The following BCL7A variants were observed in gnomAD, a reference collection of about 807,000 sequenced individuals.
BCL7A encodes BAF chromatin remodeling complex subunit BCL7A.
In BCL7A, 11 loss-of-function variants were observed where a neutral mutation model predicts 28.4. The ratio of observed to expected loss-of-function variants is 0.39; its 90% CI spans 0.24 to 0.64. BCL7A has a LOEUF of 0.64. BCL7A is among the 30% of genes least tolerant of loss of function. The pLI is 0.50. For missense variants in BCL7A, 222 were observed against 274.8 expected, an observed-to-expected ratio of 0.81 and a Z score of 1.36; for synonymous variants, 123 against 103.3, an observed-to-expected ratio of 1.19 and a Z score of -1.15.
intron 1 of BCL7A, among the ~76,000 whole-genome samples, chr12:122,023,769 T>C (rs527902214): frequency 6.6e-6 from 1 of 152,260 alleles, no homozygotes; most frequent in African/African-American, 2.4e-5. Context: ...ACACACACGC[T>C]GGAAAACAAC....
intron 1 of BCL7A, among the ~76,000 whole-genome samples, chr12:122,023,742 A>G (rs1883536049): frequency 6.6e-6 from 1 of 152,258 alleles, no homozygotes; most frequent in Middle Eastern, 3.4e-3. Context: ...AAATGGCAGA[A>G]ACAGCTGCAG....
At chr12:122,026,418 G>C (rs1379553240) in intron 1 of BCL7A, among the ~76,000 whole-genome samples, 1 of 152,204 alleles carries the variant, frequency 6.6e-6, no homozygotes. Flanking sequence ...ACTCTAGCCT[G>C]GGTGACAGGG....
At chr12:122,026,588 T>C (rs1487543810) in intron 1 of BCL7A, among the ~76,000 whole-genome samples, 2 of 152,234 alleles carry the variant, frequency 1.3e-5, no homozygotes, top group Non-Finnish European at 2.9e-5. Flanking sequence ...GGTTTGGGCC[T>C]GAGGCCTCCC....
At chr12:122,024,112 G>T (rs543943818) in intron 1 of BCL7A, among the ~76,000 whole-genome samples, 6 of 152,318 alleles carry the variant, frequency 3.9e-5, no homozygotes, top group African/African-American at 1.4e-4. Flanking sequence ...CTTCCAGCCC[G>T]CTGACCCCGC....
At chr12:122,024,628 T>A (rs547640891) in intron 1 of BCL7A, among the ~76,000 whole-genome samples, 1 of 152,264 alleles carries the variant, frequency 6.6e-6, no homozygotes, top group Non-Finnish European at 1.5e-5. Context: ...TCACCAACCA[T>A]GCATTTCACC....
intron 1 of BCL7A, 108 bp from the exon 2 acceptor site, chr12:122,030,592 A>C: frequency 2.9e-6 from 3 of 1,044,134 alleles, no homozygotes; most frequent in Non-Finnish European, 4.4e-6. Flanking sequence ...TGGGATTCCA[A>C]CCCTCATCTG....
chr12:122,031,169 G>A (rs1883735654), intron 2 of BCL7A, among the ~76,000 whole-genome samples: 1 of 152,152 alleles, frequency 6.6e-6, no homozygotes, highest in African/African-American at 2.4e-5. Context: ...TGGGATTACA[G>A]GTGCACACCA....
At chr12:122,022,832 G>A (rs1883498413) in intron 1 of BCL7A, among the ~76,000 whole-genome samples, 1 of 151,882 alleles carries the variant, frequency 6.6e-6, no homozygotes, top group Non-Finnish European at 1.5e-5. Flanking sequence ...GAAAGATGGG[G>A]GCGAGCGCTG....
chr12:122,034,462 A>C (rs1593025892), intron 2 of BCL7A, among the ~76,000 whole-genome samples: 1 of 148,404 alleles, frequency 6.7e-6, no homozygotes. Flanking sequence ...ATGGCCGGGC[A>C]CAGTGGCTCA....
intron 1 of BCL7A, among the ~76,000 whole-genome samples, chr12:122,025,220 C>G (rs146334622): frequency 0.011 from 1,701 of 152,022 alleles, 10 homozygotes; most frequent in Non-Finnish European, 0.016. Context: ...CTTGGAGGCC[C>G]GCTGCGGTGG....
chr12:122,037,102 G>A (rs1257603372), intron 3 of BCL7A, among the ~76,000 whole-genome samples: 1 of 152,208 alleles, frequency 6.6e-6, no homozygotes, highest in East Asian at 1.9e-4. Context: ...CAGCCCCGTG[G>A]CTGTGTGCTC....
intron 1 of BCL7A, among the ~76,000 whole-genome samples, chr12:122,024,468 T>C: frequency 6.6e-6 from 1 of 151,640 alleles, no homozygotes; most frequent in East Asian, 1.9e-4. Flanking sequence ...TTTTGTTTTT[T>C]TTTTTTTTTG....
At chr12:122,052,168 C>A (rs1884205468) in intron 4 of BCL7A, among the ~76,000 whole-genome samples, 1 of 151,974 alleles carries the variant, frequency 6.6e-6, no homozygotes, top group Admixed American at 6.6e-5. Flanking sequence ...AGCCACCACG[C>A]CTGGCCTGGC....
At chr12:122,041,167 G>A (rs980835909) in intron 3 of BCL7A, among the ~76,000 whole-genome samples, 1 of 152,170 alleles carries the variant, frequency 6.6e-6, no homozygotes, top group Admixed American at 6.5e-5. Flanking sequence ...GTAGAGGAGG[G>A]GCGTGGGGCT....
chr12:122,039,079 G>T (rs921683996), intron 3 of BCL7A, among the ~76,000 whole-genome samples: 2 of 152,002 alleles, frequency 1.3e-5, no homozygotes, highest in African/African-American at 4.8e-5. Context: ...GGCAGATCAT[G>T]AGGTTGGGAG....
chr12:122,061,334 C>T lies in BCL7A; in HGVS notation c.*2171C>T. ...TTGGCGCAGGTGAGGACTCAGACGA[C>T]GTCCACCGTCCCAAGGCTGTCACTA... On this transcript the variant is annotated 3_prime_UTR_variant, in exon 6 of 6. Transcript: ENST00000261822. 4.3e-6 allele frequency: 1 copy of T among 230,920 alleles called. No homozygotes were observed. The highest frequency in any genetic ancestry group is 8.6e-6 in the Non-Finnish European group (1 of 116,538). 14.3% of individuals were successfully genotyped at this position (230,920 alleles called of 1,614,324 possible). A position where few individuals can be genotyped will look rare whatever the true frequency, so the allele number is the denominator to read the frequency against.
intron 2 of BCL7A, among the ~76,000 whole-genome samples, chr12:122,034,259 CAT>C (rs1340269367): frequency 1.3e-4 from 17 of 126,504 alleles, no homozygotes; most frequent in Non-Finnish European, 2.1e-4. Context: ...GCGATATTGA[CAT>C]ATGTTAAGTG....
chr12:122,040,366 C>A (rs1236185157), intron 3 of BCL7A, among the ~76,000 whole-genome samples: 1 of 151,966 alleles, frequency 6.6e-6, no homozygotes, highest in Non-Finnish European at 1.5e-5. Flanking sequence ...AACCCCATCT[C>A]TACTAAAAAT....
intron 1 of BCL7A, among the ~76,000 whole-genome samples, chr12:122,023,476 C>T (rs572999310): frequency 1.3e-5 from 2 of 152,334 alleles, no homozygotes; most frequent in Middle Eastern, 3.4e-3. Context: ...CACAAGTTAG[C>T]TGTCCTTTCT....
Sources: allele counts gnomAD v4.1 joint callset (sites outside exome capture counted in the v4.1 genomes callset), GRCh38; gene constraint gnomAD v4.1.1; transcripts MANE v1.5; gene names NCBI Gene and HGNC (gene_info 2026-07-23, HGNC 2026-07-21).